CTNND2: variants seen among roughly 807,000 people sequenced by gnomAD.
CTNND2 encodes catenin delta 2, also known as catenin delta-2.
A neutral mutation model predicts 144.4 loss-of-function variants in CTNND2; 22 were observed. That is an observed-to-expected ratio of 0.15 (90% CI 0.11 to 0.22). CTNND2 has a LOEUF of 0.22. Ranked by LOEUF, CTNND2 falls within the 10% of genes least tolerant of loss-of-function variation. The pLI is 1.00. For synonymous variants in CTNND2, 751 were observed against 695.6 expected (o/e 1.08, Z -1.25); for missense variants, 1,353 against 1,618.8 (o/e 0.84, Z 2.82).
intron 3 of CTNND2, among the ~76,000 whole-genome samples, chr5:11,448,526 T>C (rs772494968): frequency 6.6e-6 from 1 of 152,130 alleles, no homozygotes; most frequent in Non-Finnish European, 1.5e-5. Context: ...GTGTTTGCTG[T>C]TGTCGTTTTC....
intron 9 of CTNND2, among the ~76,000 whole-genome samples, chr5:11,320,912 T>C (rs965227521): frequency 1.3e-5 from 2 of 152,188 alleles, no homozygotes; most frequent in Non-Finnish European, 2.9e-5. Context: ...ATTCCTACGA[T>C]TAAAGAAACA....
intron 12 of CTNND2, among the ~76,000 whole-genome samples, chr5:11,136,409 AGACAC>A (rs1035184461): frequency 9.2e-5 from 14 of 152,232 alleles, no homozygotes; most frequent in African/African-American, 3.4e-4. Flanking sequence ...AGTGATCAAG[AGACAC>A]GAAAGAAGAT....
chr5:11,058,819 A>G (rs764841911), intron 16 of CTNND2, among the ~76,000 whole-genome samples: 6 of 152,140 alleles, frequency 3.9e-5, no homozygotes, highest in African/African-American at 1.4e-4. Context: ...ATGGAAACCT[A>G]CCTCTCACAT....
chr5:11,810,048 G>A (rs7702477), intron 1 of CTNND2, among the ~76,000 whole-genome samples: 2 of 152,160 alleles, frequency 1.3e-5, no homozygotes, highest in African/African-American at 4.8e-5. Flanking sequence ...CCATGTCCCC[G>A]GACAAATCTG....
chr5:11,267,216 G>A (rs1270106935), intron 9 of CTNND2, among the ~76,000 whole-genome samples: 1 of 152,126 alleles, frequency 6.6e-6, no homozygotes, highest in Non-Finnish European at 1.5e-5. Flanking sequence ...TGTTGGGAAG[G>A]GCATGCTTCT....
At chr5:11,885,216 T>C (rs1351003289) in intron 1 of CTNND2, among the ~76,000 whole-genome samples, 6 of 152,188 alleles carry the variant, frequency 3.9e-5, no homozygotes, top group African/African-American at 1.4e-4. Flanking sequence ...TTCAATTTTT[T>C]GGACTAGCTT....
At chr5:11,582,416 C>T (rs1029053927) in intron 2 of CTNND2, among the ~76,000 whole-genome samples, 2 of 151,964 alleles carry the variant, frequency 1.3e-5, no homozygotes, top group Non-Finnish European at 2.9e-5. Flanking sequence ...AACCAAAAAC[C>T]AAAACAAAGA....
chr5:11,520,152 A>G (rs1189669799), intron 3 of CTNND2, among the ~76,000 whole-genome samples: 10 of 147,934 alleles, frequency 6.8e-5, no homozygotes, highest in Admixed American at 6.7e-4. Context: ...TGTCTTGGAA[A>G]AAAAAAAAAA....
rs1748172680 is a variant in CTNND2 at position 11,070,771 on chromosome 5, C to G, written c.2788+11925G>C. 2.0e-5 allele frequency among the ~76,000 whole-genome samples: 3 copies of G among 152,208 alleles called. No homozygotes were observed. The South Asian group carries it at 6.2e-4, about 32-fold the overall frequency. ...AACTAAAGACATTTTCAAAATGACA[C>G]AAAGCTGAGAGAATTTATCTTCATC... is the stretch of plus-strand genomic sequence containing the variant. On this transcript the variant is annotated intron_variant, in intron 16 of 21. Transcript: ENST00000304623.
intron 16 of CTNND2, among the ~76,000 whole-genome samples, chr5:11,061,314 C>G (rs1490872904): frequency 6.6e-6 from 1 of 152,218 alleles, no homozygotes. Context: ...TAGTGTTCAA[C>G]CAGCAGCCGG....
intron 11 of CTNND2, among the ~76,000 whole-genome samples, chr5:11,171,811 A>G (rs572902323): frequency 1.2e-4 from 18 of 152,318 alleles, no homozygotes; most frequent in African/African-American, 4.1e-4. Context: ...CCCCTGAAGA[A>G]CGAGCAGAAT....
chr5:11,312,407 C>G (rs375723919), intron 9 of CTNND2, among the ~76,000 whole-genome samples: 2 of 151,866 alleles, frequency 1.3e-5, no homozygotes, highest in African/African-American at 2.4e-5. Context: ...AGAATCATGG[C>G]GGGAGGCGAA....
intron 9 of CTNND2, among the ~76,000 whole-genome samples, chr5:11,252,619 A>G (rs1165533667): frequency 6.6e-6 from 1 of 152,190 alleles, no homozygotes; most frequent in Non-Finnish European, 1.5e-5. Context: ...TAAATATTCC[A>G]TTTTATAGAT....
chr5:11,416,271 C>A (rs931979552), intron 3 of CTNND2, among the ~76,000 whole-genome samples: 1 of 151,316 alleles, frequency 6.6e-6, no homozygotes, highest in South Asian at 2.1e-4. Context: ...TTTTATGACA[C>A]AACAGAAAAA....
At chr5:11,833,228 A>G (rs1307261963) in intron 1 of CTNND2, among the ~76,000 whole-genome samples, 2 of 152,344 alleles carry the variant, frequency 1.3e-5, no homozygotes, top group South Asian at 4.1e-4. Flanking sequence ...AAACAATGTC[A>G]AAGTCCATTA....
chr5:11,446,518 C>T (rs1436808554), intron 3 of CTNND2, among the ~76,000 whole-genome samples: 1 of 152,160 alleles, frequency 6.6e-6, no homozygotes, highest in East Asian at 1.9e-4. Context: ...GAGATGCCTT[C>T]ACATGTCTTC....
At chr5:10,982,783 G>A (rs1157511276) in intron 20 of CTNND2, among the ~76,000 whole-genome samples, 1 of 152,236 alleles carries the variant, frequency 6.6e-6, no homozygotes, top group African/African-American at 2.4e-5. Context: ...TAAAGAAAAT[G>A]TGGTATATGT....
chr5:11,207,593 C>T (rs9942305), intron 10 of CTNND2, among the ~76,000 whole-genome samples: 30,146 of 151,866 alleles, frequency 0.2, 3,111 homozygotes, highest in Admixed American at 0.24. Flanking sequence ...TTTTTGTGTG[C>T]TGCTGGACAG....
chr5:11,464,074 T>G (rs1278643982), intron 3 of CTNND2, among the ~76,000 whole-genome samples: 1 of 152,162 alleles, frequency 6.6e-6, no homozygotes, highest in Non-Finnish European at 1.5e-5. Context: ...TGAATAAAAA[T>G]TAAATTCTAA....
Sources: gnomAD v4.1 joint callset for allele counts (sites outside exome capture counted in the v4.1 genomes callset) on GRCh38, gnomAD v4.1.1 for gene constraint, MANE v1.5 for transcripts, NCBI Gene and HGNC (gene_info 2026-07-23, HGNC 2026-07-21) for gene names.